COL18A1: variants seen among roughly 807,000 people sequenced by gnomAD.
The protein encoded by COL18A1 is collagen alpha-1(XVIII) chain.
A neutral mutation model predicts 168.0 loss-of-function variants in COL18A1; 133 were observed. That is an observed-to-expected ratio of 0.79 (90% CI 0.69 to 0.91). The LOEUF is 0.91. COL18A1 is among the 40% of genes least tolerant of loss of function. The probability of loss-of-function intolerance (pLI) is 0.00; values close to 1 mark genes in which losing one functional copy is unlikely to be tolerated. For missense variants in COL18A1, 2,126 were observed against 1,925.4 expected (o/e 1.10, Z -1.95); for synonymous variants, 949 against 809.0 (o/e 1.17, Z -2.94).
Position 45,512,154 on chromosome 21 carries a change from C to G in COL18A1, c.3810-34C>G, listed in dbSNP as rs1424546711. 9 of 1,593,622 alleles carry G rather than the reference C, an allele frequency of 5.6e-6. No homozygotes were observed. In the African/African-American group the frequency reaches 9.4e-5, roughly 17 times the overall value. ...GGCCTCTGCCCTAAGCAGAGCAGGT[C>G]TGGGTTTGACTGACGGCCCGGCGCG... On this transcript the variant is annotated intron_variant, in intron 41 of 41. Transcript: ENST00000651438.
At chr21:45,496,240 G>A in intron 29 of COL18A1, 1 of 678,654 alleles carries the variant, frequency 1.5e-6, no homozygotes, top group Non-Finnish European at 2.7e-6. Flanking sequence ...CTTTTTACCT[G>A]AGACGCAGAC....
chr21:45,435,269 G>T (rs1157766094), intron 2 of COL18A1, among the ~76,000 whole-genome samples: 3 of 124,056 alleles, frequency 2.4e-5, no homozygotes, highest in Non-Finnish European at 5.1e-5. Context: ...GAAGAAGGGG[G>T]TGGGGGGAGG....
At chr21:45,455,146 G>A (rs919464638) in intron 2 of COL18A1, among the ~76,000 whole-genome samples, 29 of 152,366 alleles carry the variant, frequency 1.9e-4, no homozygotes, top group African/African-American at 3.4e-4. Context: ...GCTGGGGGCC[G>A]CTGCCTCAGT....
rs147440007 is a variant in COL18A1 at position 45,477,624 on chromosome 21, C to T, written c.1006-126C>T. 6,620 of 1,248,572 alleles carry T rather than the reference C, an allele frequency of 5.3e-3. 29 individuals are homozygous for T. Among genetic ancestry groups the T allele is most frequent in the Middle Eastern group, 7.7e-3 (42 of 5,454 alleles). The allele number at this position is 1,248,572 out of a possible 1,614,324, so 77.3% of individuals were successfully genotyped here. On this transcript the variant is annotated intron_variant, in intron 7 of 41. Coordinates refer to ENST00000651438, the MANE Select transcript of COL18A1 (RefSeq NM_001379500.1). ...GTGCCCAGCACTCGGTGCCAGCATG[C>T]GTCCACCCTGCGTGTCCACTGTGGG...
At chr21:45,450,634 G>T (rs1037281987) in intron 2 of COL18A1, among the ~76,000 whole-genome samples, 1 of 152,226 alleles carries the variant, frequency 6.6e-6, no homozygotes. Flanking sequence ...ACCCTGGCTC[G>T]GGGCAGGGCG....
chr21:45,505,232 CCCA>C lies in COL18A1; in HGVS notation c.2968_2970del (p.Pro990del). ...AGGGGCGCCAGGGCCCTCCCGGCCC[CCCA>C]GGCCCCCCAGGGCCCCCTTCATTTC... On this transcript the variant is annotated inframe_deletion, in exon 35 of 42. Transcript: ENST00000651438. 2 of 1,596,912 alleles carry C rather than the reference CCCA, an allele frequency of 1.3e-6. No individual in the cohort carries two copies. The highest frequency in any genetic ancestry group is 1.7e-6 in the Non-Finnish European group (2 of 1,169,526).
chr21:45,512,777 C>G lies in COL18A1; in HGVS notation c.*379C>G. The G allele has an allele frequency of 2.8e-6, 1 of 354,074 alleles. No homozygotes were observed. The highest frequency in any genetic ancestry group is 2.4e-5 in the South Asian group (1 of 42,026). The allele number at this position is 354,074 out of a possible 1,614,324, so 21.9% of individuals were successfully genotyped here. A position where few individuals can be genotyped will look rare whatever the true frequency, so the allele number is the denominator to read the frequency against. On this transcript the variant is annotated 3_prime_UTR_variant, in exon 42 of 42. Coordinates refer to ENST00000651438, the MANE Select transcript of COL18A1 (RefSeq NM_001379500.1). ...AGCAGGTGCTGACTTCATCTCCCAC[C>G]TAGCAGCACCGTTCTGTGCACAAAA... is the stretch of plus-strand genomic sequence containing the variant.
intron 26 of COL18A1, chr21:45,493,880 G>T (rs2036444295): frequency 2.2e-6 from 1 of 447,904 alleles, no homozygotes; most frequent in Non-Finnish European, 4.1e-6. Flanking sequence ...CCTGTGGGGT[G>T]CAGGAGCCCA....
In COL18A1 at chr21:45,431,445, C is replaced by T. The variant is rs557170143; in HGVS notation, c.106+25972C>T. The stretch of plus-strand genomic sequence containing the variant: ...GGGGAGGTGGGCAGGCAGGACCCGG[C>T]GGCCCAGGGGAGGGGGGCAGGCAGG... On this transcript the variant is annotated intron_variant, in intron 2 of 41. Transcript: ENST00000651438. Among the ~76,000 whole-genome samples, 9 of 99,612 alleles carry T rather than the reference C, an allele frequency of 9.0e-5. 1 individual carries two copies. Among genetic ancestry groups the T allele is most frequent in the Admixed American group, 5.3e-4 (5 of 9,466 alleles). The allele number at this position is 99,612 out of a possible 152,430, so 65.3% of individuals were successfully genotyped here.
intron 2 of COL18A1, among the ~76,000 whole-genome samples, chr21:45,415,065 C>T (rs1449385502): frequency 6.6e-6 from 1 of 152,190 alleles, no homozygotes; most frequent in East Asian, 1.9e-4. Context: ...GTCTCCTGAG[C>T]TCTGAGGGAT....
intron 38 of COL18A1, among the ~76,000 whole-genome samples, chr21:45,509,094 T>C (rs2037418127): frequency 6.6e-6 from 1 of 151,968 alleles, no homozygotes; most frequent in South Asian, 2.1e-4. Flanking sequence ...GGGCACGTGG[T>C]GAGTGATTGC....
At chr21:45,465,854 C>G (rs1242114122) in intron 2 of COL18A1, among the ~76,000 whole-genome samples, 1 of 152,200 alleles carries the variant, frequency 6.6e-6, no homozygotes, top group Non-Finnish European at 1.5e-5. Flanking sequence ...GAGGGGTTTG[C>G]CCTTTTCTTC....
intron 2 of COL18A1, among the ~76,000 whole-genome samples, chr21:45,448,879 G>A (rs4819114): frequency 0.15 from 23,117 of 151,950 alleles, 2,290 homozygotes; most frequent in African/African-American, 0.27. Context: ...CTGCCCCACC[G>A]CCTTCTTCCT....
At chr21:45,476,727 T>C (rs1435911853) in intron 6 of COL18A1, among the ~76,000 whole-genome samples, 1 of 151,036 alleles carries the variant, frequency 6.6e-6, no homozygotes, top group African/African-American at 2.4e-5. Flanking sequence ...GTGTGTATGG[T>C]GCATGCATGT....
At position 45,477,849 on chromosome 21, in the gene COL18A1, C is replaced by T; in HGVS notation, c.1105C>T (p.Pro369Ser). 1.3e-6 allele frequency: 2 copies of T among 1,553,832 alleles called. No individual in the cohort carries two copies. The highest frequency in any genetic ancestry group is 8.7e-7 in the Non-Finnish European group (1 of 1,148,538). The change falls in exon 8 of 42, where the codon CCG becomes TCG. Residue 369 changes from proline (P) to serine (S), a missense_variant. Pro to Ser is a moderately conservative substitution (Grantham distance 74, BLOSUM62 -1). Coordinates refer to ENST00000651438, the MANE Select transcript of COL18A1 (RefSeq NM_001379500.1). ...SPCLPGPPGL[P>S]CPVSPLGPAG... ...ATGCCTACCTGGTCCCCCGGGTCTC[C>T]CGTGCCCAGTGAGTCCCCTGGGTCC... is the stretch of plus-strand genomic sequence containing the variant.
chr21:45,455,756 G>A (rs1394291421), intron 2 of COL18A1: 1 of 1,613,748 alleles, frequency 6.2e-7, no homozygotes, highest in Non-Finnish European at 8.5e-7. Context: ...GCCAGCGACA[G>A]CCCCTGGCAG....
chr21:45,460,332 C>T (rs781190528), intron 2 of COL18A1, among the ~76,000 whole-genome samples: 28 of 152,320 alleles, frequency 1.8e-4, no homozygotes, highest in Non-Finnish European at 2.9e-4. Flanking sequence ...CAGCTGCCAC[C>T]GGGGTGCTCG....
chr21:45,488,830 G>C (rs2145972288), intron 18 of COL18A1, among the ~76,000 whole-genome samples: 1 of 152,204 alleles, frequency 6.6e-6, no homozygotes, highest in South Asian at 2.1e-4. Flanking sequence ...TGGTGACCTT[G>C]TAGGACCCAG....
intron 2 of COL18A1, among the ~76,000 whole-genome samples, chr21:45,418,771 T>TTCCTGGG (rs1286704251): frequency 5.4e-3 from 298 of 55,364 alleles, no homozygotes; most frequent in Middle Eastern, 0.028. Context: ...CCTCCAAGGC[T>TTCCTGGG]GTCTCTGCTT....
Sources: gnomAD v4.1 joint callset for allele counts (sites outside exome capture counted in the v4.1 genomes callset) on GRCh38, gnomAD v4.1.1 for gene constraint, MANE v1.5 for transcripts, NCBI Gene and HGNC (gene_info 2026-07-23, HGNC 2026-07-21) for gene names.